Variants in LONRF3 observed in about 807,000 individuals in gnomAD.
The protein encoded by LONRF3 is LON peptidase N-terminal domain and ring finger 3.
In LONRF3, 19 loss-of-function variants were observed where a neutral mutation model predicts 51.7. That is an observed-to-expected ratio of 0.37 (90% CI 0.26 to 0.54). The LOEUF (loss-of-function observed/expected upper bound fraction) is 0.54, where lower values mean the gene tolerates loss of function less well. Ranked by LOEUF, LONRF3 falls within the 20% of genes least tolerant of loss-of-function variation. The pLI is 0.86. For missense variants in LONRF3, 521 were observed against 623.9 expected (o/e 0.84, Z 1.76); for synonymous variants, 265 against 257.8 (o/e 1.03, Z -0.27).
At chrX:118,976,145 G>A (rs997930903) in intron 1 of LONRF3, among the ~76,000 whole-genome samples, 2 of 113,150 alleles carry the variant, frequency 1.8e-5, no homozygotes, top group Non-Finnish European at 3.8e-5. Flanking sequence ...TCGCGCCGCC[G>A]GGTGTTGCCC....
intron 1 of LONRF3, 73 bp from the exon 2 acceptor site, chrX:118,978,272 A>G (rs1922242950): frequency 1.1e-5 from 7 of 627,914 alleles, no homozygotes; most frequent in South Asian, 4.9e-5. Context: ...CTCAAGATCC[A>G]TACTCATACA....
intron 10 of LONRF3, among the ~76,000 whole-genome samples, chrX:119,015,012 G>A (rs1296218547): frequency 8.9e-6 from 1 of 111,760 alleles, no homozygotes; most frequent in Non-Finnish European, 1.9e-5. Context: ...TCTTCCTGGG[G>A]GATAGGCCTA....
intron 6 of LONRF3, among the ~76,000 whole-genome samples, chrX:119,007,950 C>T (rs150119195): frequency 1.6e-3 from 177 of 112,111 alleles, no homozygotes; most frequent in Middle Eastern, 4.6e-3. Flanking sequence ...TTAGTATGTG[C>T]CTTTTCTGGC....
At chrX:119,017,420 C>T in intron 10 of LONRF3, 115 bp from the exon 11 acceptor site, 2 of 705,681 alleles carry the variant, frequency 2.8e-6, no homozygotes, top group Non-Finnish European at 4.1e-6. Context: ...GGTCAATTAG[C>T]AATCTGCCAC....
chrX:118,984,723 G>A (rs1396127081), intron 3 of LONRF3, among the ~76,000 whole-genome samples: 1 of 112,042 alleles, frequency 8.9e-6, no homozygotes, highest in African/African-American at 3.2e-5. Context: ...GTGTATGCCC[G>A]TGATGAGTGT....
intron 7 of LONRF3, among the ~76,000 whole-genome samples, chrX:119,011,112 T>TAAA (rs753631329): frequency 3.5e-5 from 3 of 86,469 alleles, no homozygotes; most frequent in African/African-American, 8.5e-5. Flanking sequence ...AGACTCCGCT[T>TAAA]AAAAAAAAAA....
chrX:119,014,176 G>T, intron 9 of LONRF3, 31 bp from the exon 10 acceptor site: 2 of 1,191,039 alleles, frequency 1.7e-6, no homozygotes, highest in Non-Finnish European at 2.3e-6. Context: ...AGAGGGTACA[G>T]AATGTTTCAC....
At chrX:118,985,083 C>T (rs998930644) in intron 3 of LONRF3, among the ~76,000 whole-genome samples, 1 of 112,054 alleles carries the variant, frequency 8.9e-6, no homozygotes, top group African/African-American at 3.2e-5. Flanking sequence ...TTTTGTTTTC[C>T]AATGCCATTG....
In LONRF3 at chrX:118,987,283, G is replaced by A. The variant is rs186745461; in HGVS notation, c.1060-2125G>A. Among the ~76,000 whole-genome samples the A allele has an allele frequency of 9.9e-3, 1,074 of 108,302 alleles. 21 individuals carry two copies. Among genetic ancestry groups the A allele is most frequent in the African/African-American group, 0.034 (1,021 of 29,677 alleles). The allele number at this position is 108,302 out of a possible 115,157, so 94.0% of individuals were successfully genotyped here. A position where few individuals can be genotyped will look rare whatever the true frequency, so the allele number is the denominator to read the frequency against. On this transcript the variant is annotated intron_variant, in intron 3 of 10. Transcript: ENST00000371628. ...GGTCCCAGAGTTTATTCATTACATT[G>A]AAAAAAAATTATGAAACAGGGTCTC...
At chrX:118,976,433 G>GC (rs1006972926) in intron 1 of LONRF3, 2 of 113,312 alleles carry the variant, frequency 1.8e-5, no homozygotes, top group African/African-American at 3.2e-5. Context: ...TGAAATAGAT[G>GC]CCCCCCCTTG....
intron 7 of LONRF3, among the ~76,000 whole-genome samples, chrX:119,010,814 G>A (rs1281595491): frequency 9.0e-6 from 1 of 111,110 alleles, no homozygotes; most frequent in Non-Finnish European, 1.9e-5. Flanking sequence ...ATCTCTGGGG[G>A]TACTTATTGA....
rs750024657 is a variant in LONRF3 at position 119,017,674 on chromosome X, C to T, written c.2264C>T (p.Ser755Phe). Reference protein sequence around the residue: ...NGIRRVLAFISRNQN With the variant: ...NGIRRVLAFIFRNQN ...ATTCGACGAGTCCTGGCCTTCATATCCCGAAACCAAAACTAGTGAGTGGAT... is the reference window on the plus strand; with the variant it reads ...ATTCGACGAGTCCTGGCCTTCATATTCCGAAACCAAAACTAGTGAGTGGAT... The change falls in exon 11 of 11, where the codon TCC (serine) becomes TTC (phenylalanine). Residue 755 changes from serine (S) to phenylalanine (F), a missense_variant. Ser to Phe is a radical substitution (Grantham distance 155). Transcript: ENST00000371628. 2 of 1,194,966 alleles carry T rather than the reference C, an allele frequency of 1.7e-6. No homozygotes were observed. The highest frequency in any genetic ancestry group is 2.3e-6 in the Non-Finnish European group (2 of 886,818).
rs750167588 is a variant in LONRF3, at chrX:118,975,040, T to C, written c.260T>C (p.Leu87Pro). 1.7e-6 allele frequency: 2 copies of C among 1,173,792 alleles called. No individual in the cohort carries two copies. The highest frequency in any genetic ancestry group is 2.3e-6 in the Non-Finnish European group (2 of 876,739). Residue 87 changes from leucine (L) to proline (P), a missense_variant, in exon 1 of 11, where the codon CTC (leucine) becomes CCC (proline). By Grantham distance (98) the Leu-to-Pro change is moderately conservative. This residue lies in a region of LONRF3 where 376 missense variants were observed against 376.7 expected (regional missense o/e 1.00). Coordinates refer to ENST00000371628, the MANE Select transcript of LONRF3 (RefSeq NM_001031855.3). ...LASRGRIREA[L>P]EVYRQLSERQ... ...TCCCGGGGGCGAATCCGTGAAGCCC[T>C]CGAGGTGTATAGACAGCTCTCCGAG... is the stretch of plus-strand genomic sequence containing the variant.
At chrX:118,995,940 AT>A (rs1923832827) in intron 5 of LONRF3, among the ~76,000 whole-genome samples, 1 of 112,060 alleles carries the variant, frequency 8.9e-6, no homozygotes, top group African/African-American at 3.2e-5. Flanking sequence ...GGTGCCAATC[AT>A]TTTGACACTA....
In LONRF3 at chrX:118,987,108, G is replaced by A. The variant is rs529267848; in HGVS notation, c.1060-2300G>A. ...AAAACTCAACTCACCCAGCTCGCTCGTGACGCTTCGTTTGGCTGTTTTGTG... is the reference window on the plus strand; with the variant it reads ...AAAACTCAACTCACCCAGCTCGCTCATGACGCTTCGTTTGGCTGTTTTGTG... On this transcript the variant is annotated intron_variant, in intron 3 of 10. Coordinates refer to ENST00000371628, the MANE Select transcript of LONRF3 (RefSeq NM_001031855.3). 65 of 1,125,380 alleles carry A rather than the reference G, an allele frequency of 5.8e-5. No individual in the cohort carries two copies. In the Middle Eastern group the frequency reaches 7.1e-4, roughly 12 times the overall value. The allele number at this position is 1,125,380 out of a possible 1,213,427, so 92.7% of individuals were successfully genotyped here. A position where few individuals can be genotyped will look rare whatever the true frequency, so the allele number is the denominator to read the frequency against.
chrX:118,981,399 C>T (rs1012472321), intron 2 of LONRF3, among the ~76,000 whole-genome samples: 5 of 106,271 alleles, frequency 4.7e-5, no homozygotes, highest in African/African-American at 1.7e-4. Flanking sequence ...GCCGGAGAAT[C>T]GCTTGAACCT....
At chrX:119,014,499 A>G in intron 10 of LONRF3, 143 bp downstream of exon 10, 1 of 568,660 alleles carries the variant, frequency 1.8e-6, no homozygotes, top group East Asian at 3.6e-5. Flanking sequence ...GTTTGGCTGC[A>G]CAGTGAGCGT....
rs778919114 is a variant in LONRF3 at position 118,975,607 on chromosome X, A to G, written c.817+10A>G. 34 of 1,125,737 alleles carry G rather than the reference A, an allele frequency of 3.0e-5. No individual in the cohort carries two copies. The highest frequency in any genetic ancestry group is 3.6e-5 in the Non-Finnish European group (31 of 853,062). The allele number at this position is 1,125,737 out of a possible 1,213,427, so 92.8% of individuals were successfully genotyped here. A position where few individuals can be genotyped will look rare whatever the true frequency, so the allele number is the denominator to read the frequency against. On this transcript the variant is annotated intron_variant, in intron 1 of 10. Coordinates refer to ENST00000371628, the MANE Select transcript of LONRF3 (RefSeq NM_001031855.3). The stretch of plus-strand genomic sequence containing the variant: ...GAGGCAGTTAAGTTGGGTGAGTCCA[A>G]CGCGCTGCCGGGCCGGGGCTGGGGC...
chrX:119,005,932 A>G (rs1223492006), intron 5 of LONRF3, among the ~76,000 whole-genome samples, 189 bp from the exon 6 acceptor site: 1 of 112,121 alleles, frequency 8.9e-6, no homozygotes, highest in African/African-American at 3.2e-5. Context: ...ACTTTAATAA[A>G]TGTATTTTAA....
Sources: gnomAD v4.1 joint callset for allele counts (sites outside exome capture counted in the v4.1 genomes callset) on GRCh38, gnomAD v4.1.1 for gene constraint, gnomAD v4.1.1 regional missense constraint, MANE v1.5 for transcripts, NCBI Gene and HGNC (gene_info 2026-07-23, HGNC 2026-07-21) for gene names.